The following FBXO11 variants were observed in gnomAD, a reference collection of about 807,000 sequenced individuals.
FBXO11 encodes F-box protein 11.
Under a neutral mutation model 117.0 loss-of-function variants are expected in FBXO11, and 13 were observed. The observed-to-expected ratio is 0.11, with a 90% CI of 0.07 to 0.18. The LOEUF (loss-of-function observed/expected upper bound fraction) is 0.18. Among genes scored for constraint, FBXO11 ranks in the 10% least tolerant of loss-of-function variants. The pLI, the probability that FBXO11 is intolerant of heterozygous loss-of-function variation, is 1.00. For missense variants in FBXO11, 767 were observed against 1,164.4 expected (o/e 0.66, Z 4.97); for synonymous variants, 490 against 380.5 (o/e 1.29, Z -3.35).
At position 47,839,183 on chromosome 2, in the gene FBXO11, CCTT is replaced by C. The variant is rs368170365; in HGVS notation, c.443-183_443-181del. Among the ~76,000 whole-genome samples, 32 of 151,750 alleles carry C rather than the reference CCTT, an allele frequency of 2.1e-4. 1 individual carries two copies. Among genetic ancestry groups the C allele is most frequent in the African/African-American group, 7.7e-4 (32 of 41,364 alleles). Reference sequence around the variant, plus strand: ...TCTATCCTGAACTAACAAAAGTACTCCTTCTTTTAGGTATTATGTGCCATCTCA... The same window carrying C: ...TCTATCCTGAACTAACAAAAGTACTCCTTTTAGGTATTATGTGCCATCTCA... On this transcript the variant is annotated intron_variant, in intron 3 of 22. Transcript: ENST00000403359.
intron 1 of FBXO11, among the ~76,000 whole-genome samples, chr2:47,874,489 C>T (rs116285813): frequency 1.3e-5 from 2 of 151,912 alleles, no homozygotes; most frequent in Admixed American, 1.3e-4. Context: ...CAGCAAATAC[C>T]TCTTTGTACT....
chr2:47,837,569 T>C (rs182849208), intron 4 of FBXO11, among the ~76,000 whole-genome samples: 1 of 152,282 alleles, frequency 6.6e-6, no homozygotes, highest in Non-Finnish European at 1.5e-5. Flanking sequence ...GCACCTTTTG[T>C]GCATCATAAA....
chr2:47,890,285 G>A (rs1230604545), intron 1 of FBXO11, among the ~76,000 whole-genome samples: 1 of 152,058 alleles, frequency 6.6e-6, no homozygotes, highest in Non-Finnish European at 1.5e-5. Context: ...ATTCTGAACT[G>A]ACTTCCTGAT....
chr2:47,859,392 T>C (rs1326502778), intron 1 of FBXO11, among the ~76,000 whole-genome samples: 1 of 152,222 alleles, frequency 6.6e-6, no homozygotes, highest in Non-Finnish European at 1.5e-5. Flanking sequence ...AAGACTGAAT[T>C]CAATTTCAGA....
chr2:47,830,733 G>A (rs1433420769), intron 11 of FBXO11, among the ~76,000 whole-genome samples: 1 of 152,142 alleles, frequency 6.6e-6, no homozygotes, highest in African/African-American at 2.4e-5. Flanking sequence ...GTGTGTGTGT[G>A]ATGAGGAGTA....
chr2:47,881,610 G>A (rs1676437572), intron 1 of FBXO11, among the ~76,000 whole-genome samples: 1 of 151,960 alleles, frequency 6.6e-6, no homozygotes, highest in Non-Finnish European at 1.5e-5. Flanking sequence ...TATTTGATCT[G>A]TGATGTTTAA....
At chr2:47,890,698 G>C (rs955919823) in intron 1 of FBXO11, among the ~76,000 whole-genome samples, 1 of 152,044 alleles carries the variant, frequency 6.6e-6, no homozygotes, top group African/African-American at 2.4e-5. Context: ...CCAACTACTT[G>C]GGAGGCTGAG....
Position 47,899,682 on chromosome 2 carries a change from G to A in FBXO11, c.232+5807C>T, listed in dbSNP as rs144563884. Among the ~76,000 whole-genome samples the A allele has an allele frequency of 8.5e-5, 13 of 152,156 alleles. No individual in the cohort carries two copies. The East Asian group carries it at 1.2e-3, about 14-fold the overall frequency. On this transcript the variant is annotated intron_variant, in intron 1 of 22. Coordinates refer to ENST00000403359, the MANE Select transcript of FBXO11 (RefSeq NM_001190274.2). ...GTATCTTCATAATTTTATTTTCACA[G>A]GGTAGCAACTACAATTTGGGGAATA...
At position 47,832,590 on chromosome 2, in the gene FBXO11, A is replaced by G. The variant is rs763597186; in HGVS notation, c.1242T>C (p.Tyr414=). Residue 414 remains tyrosine (Y), a synonymous_variant, in exon 10 of 23, where the codon TAT becomes TAC. Coordinates refer to ENST00000403359, the MANE Select transcript of FBXO11 (RefSeq NM_001190274.2). The part of the protein sequence containing the change: ...NISDCENVGL[Y]ITDHAQGIYE... ...AAAATACCTGTGCATGATCTGTTAT[A>G]TATAGTCCAACATTTTCACAGTCAC... The G allele has an allele frequency of 1.2e-6, 2 of 1,613,752 alleles. No individual in the cohort carries two copies. Among genetic ancestry groups the G allele is most frequent in the Admixed American group, 3.3e-5 (2 of 60,012 alleles).
chr2:47,827,275 T>TAA (rs1245078578), intron 11 of FBXO11, among the ~76,000 whole-genome samples: 3 of 152,178 alleles, frequency 2.0e-5, no homozygotes, highest in African/African-American at 7.2e-5. Context: ...TTATTATGGA[T>TAA]TCAGTTAATG....
chr2:47,849,945 A>C (rs1422320161), intron 1 of FBXO11, among the ~76,000 whole-genome samples: 2 of 152,222 alleles, frequency 1.3e-5, no homozygotes, highest in Admixed American at 1.3e-4. Flanking sequence ...GAAGGGTATT[A>C]AAAAGAACAG....
Position 47,822,186 on chromosome 2 carries a change from A to G in FBXO11, c.1702+32T>C, listed in dbSNP as rs200084559. On this transcript the variant is annotated intron_variant, in intron 13 of 22. Coordinates refer to ENST00000403359, the MANE Select transcript of FBXO11 (RefSeq NM_001190274.2). ...TAATATCAAGAAGACATACAAATCT[A>G]TAAGTTTTATAGAACAAAACCATAC... 1.6e-4 allele frequency: 223 copies of G among 1,417,872 alleles called. 1 individual carries two copies. Among genetic ancestry groups the G allele is most frequent in the East Asian group, 1.3e-3 (58 of 43,298 alleles). The allele number at this position is 1,417,872 out of a possible 1,614,324, so 87.8% of individuals were successfully genotyped here.
At chr2:47,861,420 G>A (rs1438023660) in intron 1 of FBXO11, among the ~76,000 whole-genome samples, 1 of 150,914 alleles carries the variant, frequency 6.6e-6, no homozygotes. Flanking sequence ...CTGGGCTCAA[G>A]TGATCCTTCC....
At chr2:47,816,758 T>G (rs1012600510) in intron 16 of FBXO11, among the ~76,000 whole-genome samples, 2 of 152,160 alleles carry the variant, frequency 1.3e-5, no homozygotes, top group African/African-American at 4.8e-5. Context: ...CAGTAATATT[T>G]TGAAATATTT....
chr2:47,900,657 CACACACGTACGTATATACACACGTAT>C (rs1678094660), intron 1 of FBXO11, among the ~76,000 whole-genome samples: 2 of 95,816 alleles, frequency 2.1e-5, no homozygotes, highest in Non-Finnish European at 2.2e-5. Flanking sequence ...CACACGTATA[CACACACGTACGTATATACACACGTAT>C]ACACACACGT....
chr2:47,856,043 C>T (rs1038792562), intron 1 of FBXO11, among the ~76,000 whole-genome samples: 37 of 152,084 alleles, frequency 2.4e-4, no homozygotes, highest in Admixed American at 6.6e-4. Context: ...CCTAAGAGTT[C>T]GAGGCTGCAG....
chr2:47,828,152 A>G (rs1200957470), intron 11 of FBXO11, among the ~76,000 whole-genome samples: 1 of 152,054 alleles, frequency 6.6e-6, no homozygotes, highest in Non-Finnish European at 1.5e-5. Flanking sequence ...GCTAATTTTT[A>G]GAATATTTCT....
intron 1 of FBXO11, among the ~76,000 whole-genome samples, chr2:47,887,351 T>G (rs1298864194): frequency 6.6e-5 from 10 of 151,440 alleles, no homozygotes; most frequent in African/African-American, 2.4e-4. Flanking sequence ...TTTTTTCTTT[T>G]CAAAAGAACC....
At chr2:47,880,561 T>C (rs893955352) in intron 1 of FBXO11, among the ~76,000 whole-genome samples, 2 of 152,254 alleles carry the variant, frequency 1.3e-5, no homozygotes, top group African/African-American at 4.8e-5. Flanking sequence ...TGTTGAAGCT[T>C]GTTTGGCGTC....
Sources: gnomAD v4.1 joint callset for allele counts (sites outside exome capture counted in the v4.1 genomes callset) on GRCh38, gnomAD v4.1.1 for gene constraint, MANE v1.5 for transcripts, NCBI Gene and HGNC (gene_info 2026-07-23, HGNC 2026-07-21) for gene names.